The following RECK variants were observed in gnomAD, a reference collection of about 807,000 sequenced individuals.
The protein encoded by RECK is reversion-inducing cysteine-rich protein with Kazal motifs.
A neutral mutation model predicts 115.1 loss-of-function variants in RECK; 69 were observed. The ratio of observed to expected loss-of-function variants is 0.60; its 90% confidence interval spans 0.49 to 0.73. The LOEUF is 0.73. Ranked by LOEUF, RECK falls within the 30% of genes least tolerant of loss-of-function variation. RECK has a pLI of 0.00. For synonymous variants in RECK, 414 were observed against 419.7 expected, an observed-to-expected ratio of 0.99 and a Z score of 0.17; for missense variants, 1,047 against 1,203.7, an observed-to-expected ratio of 0.87 and a Z score of 1.93.
chr9:36,083,939 ATG>A lies in RECK; in HGVS notation c.637+378_637+379del, dbSNP rs536544808. On this transcript the variant is annotated intron_variant, in intron 8 of 20. Coordinates refer to ENST00000377966, the MANE Select transcript of RECK (RefSeq NM_021111.3). ...TATAAATTTGCAAAAATAAATATATATGCATATAAACAATGTTCACTACAATG... is the reference window on the plus strand; with the variant it reads ...TATAAATTTGCAAAAATAAATATATACATATAAACAATGTTCACTACAATG... 3.3e-3 allele frequency among the ~76,000 whole-genome samples: 497 copies of A among 152,342 alleles called. 1 individual carries two copies. The highest frequency in any genetic ancestry group is 0.012 in the African/African-American group (481 of 41,584).
chr9:36,093,991 AT>A lies in RECK; in HGVS notation c.1085+2649del, dbSNP rs569147048. Among the ~76,000 whole-genome samples the A allele has an allele frequency of 4.8e-4, 73 of 152,240 alleles. 1 individual carries two copies. In the East Asian group the frequency reaches 7.7e-3, roughly 16 times the overall value. On this transcript the variant is annotated intron_variant, in intron 10 of 20. Transcript: ENST00000377966. ...CCTTAAAGTACTCAGAGAAAAAAAA[AT>A]CTTATATTCAATGAAAATATTCTTC...
chr9:36,104,803 C>T (rs1338790347), intron 12 of RECK, among the ~76,000 whole-genome samples: 1 of 152,142 alleles, frequency 6.6e-6, no homozygotes, highest in East Asian at 1.9e-4. Context: ...GCCACTGTGC[C>T]CAGCTCATAC....
intron 2 of RECK, among the ~76,000 whole-genome samples, chr9:36,057,547 G>T (rs1187663650): frequency 2.0e-5 from 3 of 152,238 alleles, no homozygotes; most frequent in African/African-American, 7.2e-5. Context: ...GCCAGGCACG[G>T]AGGCTCATGC....
At chr9:36,054,878 G>A (rs1203906568) in intron 2 of RECK, among the ~76,000 whole-genome samples, 1 of 152,110 alleles carries the variant, frequency 6.6e-6, no homozygotes, top group Admixed American at 6.6e-5. Context: ...ATATTTTTGA[G>A]TTGATTGGTG....
chr9:36,105,101 C>G, intron 12 of RECK, 42 bp from the exon 13 acceptor site: 1 of 1,553,980 alleles, frequency 6.4e-7, no homozygotes, highest in Non-Finnish European at 8.8e-7. Flanking sequence ...TTTTCTCTTA[C>G]TCTTTTAGGT....
rs879128364 is a variant in RECK at position 36,123,175 on chromosome 9, ATTT to A, written c.*139_*141del. ...ATGTCACCTCTATTCGCCACACAGTATTTTTTTTTTTAATCCGCCAATATTAGT... is the reference window on the plus strand; with the variant it reads ...ATGTCACCTCTATTCGCCACACAGTATTTTTTTTAATCCGCCAATATTAGT... On this transcript the variant is annotated 3_prime_UTR_variant, in exon 21 of 21. Transcript: ENST00000377966. 9.6e-6 allele frequency: 5 copies of A among 519,282 alleles called. No individual in the cohort carries two copies. The African/African-American group carries it at 1.0e-4, about 10-fold the overall frequency. 32.2% of individuals were successfully genotyped at this position (519,282 alleles called of 1,614,324 possible). A position where few individuals can be genotyped will look rare whatever the true frequency, so the allele number is the denominator to read the frequency against.
At chr9:36,076,895 A>ATT (rs1332783995) in intron 6 of RECK, among the ~76,000 whole-genome samples, 1 of 152,134 alleles carries the variant, frequency 6.6e-6, no homozygotes, top group Non-Finnish European at 1.5e-5. Context: ...AACCCAGACT[A>ATT]TTCTCAGTGC....
intron 2 of RECK, among the ~76,000 whole-genome samples, chr9:36,056,273 C>G (rs540237241): frequency 6.6e-6 from 1 of 151,978 alleles, no homozygotes; most frequent in Non-Finnish European, 1.5e-5. Flanking sequence ...ACTGTTATTA[C>G]TTCTTTGAAA....
At chr9:36,087,622 C>A in intron 8 of RECK, 72 bp from the exon 9 acceptor site, 1 of 1,496,758 alleles carries the variant, frequency 6.7e-7, no homozygotes, top group Middle Eastern at 1.8e-4. Flanking sequence ...CACATGTATC[C>A]CAGAACTTAA....
chr9:36,111,483 T>C (rs1048376585), intron 15 of RECK, among the ~76,000 whole-genome samples: 1 of 152,148 alleles, frequency 6.6e-6, no homozygotes, highest in African/African-American at 2.4e-5. Flanking sequence ...AAACTCCGCC[T>C]CCTGGGATCA....
intron 6 of RECK, among the ~76,000 whole-genome samples, chr9:36,077,765 T>A (rs1433002882): frequency 6.6e-6 from 1 of 152,188 alleles, no homozygotes; most frequent in African/African-American, 2.4e-5. Context: ...GGATGTGACA[T>A]CAAGGGAAGC....
At position 36,063,838 on chromosome 9, in the gene RECK, T is replaced by A. The variant is rs1463991317; in HGVS notation, c.315T>A (p.Cys105Ter). ...KSDGWVGLGC[C>*]ELAIALECRQ... ...ATGGCTGGGTTGGCTTAGGCTGCTG[T>A]GAACTGGCTATTGCCTTGGAGTGTC... The change falls in exon 5 of 21, where the codon TGT (cysteine) becomes TGA (stop). Residue 105 changes from cysteine to a stop codon, truncating the protein, a stop_gained. Coordinates refer to ENST00000377966, the MANE Select transcript of RECK (RefSeq NM_021111.3). LOFTEE classifies it high-confidence loss of function. 1 of 1,614,170 alleles carries A rather than the reference T, an allele frequency of 6.2e-7. No homozygotes were observed. The highest frequency in any genetic ancestry group is 2.2e-5 in the East Asian group (1 of 44,890).
intron 6 of RECK, among the ~76,000 whole-genome samples, chr9:36,073,926 T>G (rs562538035): frequency 6.6e-5 from 10 of 152,286 alleles, no homozygotes; most frequent in African/African-American, 2.2e-4. Context: ...TGTTAAATAT[T>G]CAGGGATTTT....
chr9:36,105,348 A>T, intron 13 of RECK, 65 bp downstream of exon 13: 1 of 1,545,224 alleles, frequency 6.5e-7, no homozygotes, highest in Non-Finnish European at 8.9e-7. Context: ...TATAGGAGCT[A>T]TCTTTCTTTT....
chr9:36,104,741 TC>T (rs1197183347), intron 12 of RECK, among the ~76,000 whole-genome samples: 1 of 152,120 alleles, frequency 6.6e-6, no homozygotes, highest in African/African-American at 2.4e-5. Flanking sequence ...ACTCCTGGCC[TC>T]CGGTGATCCG....
At chr9:36,062,032 TAG>T (rs1821792593) in intron 4 of RECK, among the ~76,000 whole-genome samples, 1 of 152,184 alleles carries the variant, frequency 6.6e-6, no homozygotes, top group Non-Finnish European at 1.5e-5. Flanking sequence ...ACTTCAGATA[TAG>T]ATACTCAAAT....
At chr9:36,069,340 G>C (rs1822135413) in intron 6 of RECK, among the ~76,000 whole-genome samples, 1 of 152,010 alleles carries the variant, frequency 6.6e-6, no homozygotes, top group Non-Finnish European at 1.5e-5. Flanking sequence ...AGGAGTTTGA[G>C]ACCAGCTTGG....
intron 13 of RECK, among the ~76,000 whole-genome samples, chr9:36,106,347 G>T (rs1296625591): frequency 2.0e-5 from 3 of 149,892 alleles, no homozygotes; most frequent in Non-Finnish European, 4.4e-5. Flanking sequence ...CAATTCTCCT[G>T]CCTCAGCCTC....
chr9:36,117,086 A>T lies in RECK; in HGVS notation c.2162A>T (p.Asp721Val), dbSNP rs768112622. 64 of 1,614,066 alleles carry T rather than the reference A, an allele frequency of 4.0e-5. No homozygotes were observed. The South Asian group carries it at 4.6e-4, about 12-fold the overall frequency. ...CAGCTCGCGTGTGACCAGGTCCAAG[A>T]TCCTGTTTGTGACACAGACCACATG... ...PRQLACDQVQDPVCDTDHMEH... is the reference protein window; with the variant it reads ...PRQLACDQVQVPVCDTDHMEH... Residue 721 changes from aspartate to valine, a missense_variant, in exon 17 of 21, where the codon GAT (aspartate) becomes GTT (valine). By Grantham distance (152) the Asp-to-Val change is radical. Coordinates refer to ENST00000377966, the MANE Select transcript of RECK (RefSeq NM_021111.3).
Sources: gnomAD v4.1 joint callset for allele counts (sites outside exome capture counted in the v4.1 genomes callset) on GRCh38, gnomAD v4.1.1 for gene constraint, MANE v1.5 for transcripts, NCBI Gene and HGNC (gene_info 2026-07-23, HGNC 2026-07-21) for gene names.